Variants in TRIM16 observed in about 807,000 individuals in gnomAD.
The protein encoded by TRIM16 is tripartite motif containing 16.
Under a neutral mutation model 50.4 loss-of-function variants are expected in TRIM16, and 33 were observed. The observed-to-expected ratio is 0.65, with a 90% confidence interval of 0.50 to 0.88. TRIM16 has a LOEUF of 0.88. TRIM16 is among the 40% of genes least tolerant of loss of function. TRIM16 has a pLI of 0.00. For missense variants in TRIM16, 581 were observed against 686.8 expected, an observed-to-expected ratio of 0.85 and a Z score of 1.72; for synonymous variants, 229 against 270.7, an observed-to-expected ratio of 0.85 and a Z score of 1.51.
intron 6 of TRIM16, among the ~76,000 whole-genome samples, chr17:15,655,200 G>A (rs1987916075): frequency 6.6e-6 from 1 of 152,144 alleles, no homozygotes. Flanking sequence ...ACCTGGTACT[G>A]GAGGCTGAAC....
chr17:15,658,019 G>C (rs1988055180), intron 6 of TRIM16, among the ~76,000 whole-genome samples: 5 of 152,320 alleles, frequency 3.3e-5, no homozygotes, highest in African/African-American at 1.2e-4. Context: ...AGGTCAAGGT[G>C]TGGTTCAGGA....
rs771077768 is a variant in TRIM16 at position 15,631,591 on chromosome 17, G to A, written c.1111+28C>T. 4.3e-6 allele frequency: 7 copies of A among 1,613,246 alleles called. No homozygotes were observed. The Admixed American group carries it at 1.0e-4, about 23-fold the overall frequency. ...AAGCACTGCACTGATATCAACAACT[G>A]GAGAAGCGGGTGCCGTTCACAACTT... On this transcript the variant is annotated intron_variant, in intron 11 of 11. Coordinates refer to ENST00000649191, the MANE Select transcript of TRIM16 (RefSeq NM_001348119.1).
intron 6 of TRIM16, among the ~76,000 whole-genome samples, chr17:15,676,008 C>A (rs2654353): frequency 1.3e-5 from 2 of 151,960 alleles, no homozygotes; most frequent in Non-Finnish European, 2.9e-5. Flanking sequence ...AATCTGTACC[C>A]CCAGTTAAGA....
At position 15,639,951 on chromosome 17, in the gene TRIM16, C is replaced by T. The variant is rs949117813; in HGVS notation, c.615+2770G>A. Among the ~76,000 whole-genome samples, 24 of 149,346 alleles carry T rather than the reference C, an allele frequency of 1.6e-4. 2 individuals are homozygous for T. Among genetic ancestry groups the T allele is most frequent in the Middle Eastern group, 3.5e-3 (1 of 288 alleles). On this transcript the variant is annotated intron_variant, in intron 8 of 11. Transcript: ENST00000649191. Reference sequence around the variant, plus strand: ...CCTGGTCACTCTTCCAATTATATAACAATAATCATAAAAACAACCAACATG... The same window carrying T: ...CCTGGTCACTCTTCCAATTATATAATAATAATCATAAAAACAACCAACATG...
Position 15,651,424 on chromosome 17 carries a change from A to C in TRIM16, c.186T>G (p.Ser62=), listed in dbSNP as rs1166900653. 1 of 1,613,996 alleles carries C rather than the reference A, an allele frequency of 6.2e-7. No individual in the cohort carries two copies. The highest frequency in any genetic ancestry group is 2.2e-5 in the East Asian group (1 of 44,872). ...CACCAGCAGGATCCCCCTGCTCTGC[A>C]GAGTCGCTGTCCTGTTCCTCCGTCT... ...GRETEEQDSD[S]AEQGDPAGEG... Residue 62 remains serine (S), a synonymous_variant, in exon 7 of 12, where the codon TCT becomes TCG. Transcript: ENST00000649191.
In TRIM16 at chr17:15,651,140, T is replaced by G; in HGVS notation, c.470A>C (p.His157Pro). The change falls in exon 7 of 12, where the codon CAC (histidine) becomes CCC (proline). Residue 157 changes from histidine to proline, a missense_variant. His to Pro is a moderately conservative substitution (Grantham distance 77). Around this residue, in one of 3 missense-constraint regions of TRIM16, gnomAD observed 450 missense variants for 544.3 expected, o/e 0.83. Transcript: ENST00000649191. ...QCICQDCCQE[H>P]SGHTIVSLDA... ...CAGGGAGACTATGGTGTGGCCACTG[T>G]GCTCCTGGCAACAGTCCTGGCAGAT... 1 of 1,614,100 alleles carries G rather than the reference T, an allele frequency of 6.2e-7. No individual in the cohort carries two copies. The highest frequency in any genetic ancestry group is 8.5e-7 in the Non-Finnish European group (1 of 1,180,006).
chr17:15,669,938 C>T (rs964162610), intron 6 of TRIM16, among the ~76,000 whole-genome samples: 1 of 152,232 alleles, frequency 6.6e-6, no homozygotes, highest in African/African-American at 2.4e-5. Context: ...TCTCTCCAGA[C>T]ACTGGCAGTT....
Position 15,629,178 on chromosome 17 carries a change from C to T in TRIM16, c.1132G>A (p.Asp378Asn). 6.2e-7 allele frequency: 1 copy of T among 1,611,978 alleles called. No individual in the cohort carries two copies. Among genetic ancestry groups the T allele is most frequent in the Admixed American group, 1.7e-5 (1 of 59,938 alleles). ...AGATACTTGTGTGCTGTGTCCGGGT[C>T]AAACGTGATGTCATACGCATCTGAG... ...FLQYAYDITF[D>N]PDTAHKYLRL... The change falls in exon 12 of 12, where the codon GAC becomes AAC. Residue 378 changes from aspartate to asparagine, a missense_variant. This residue lies in a region of TRIM16 where 450 missense variants were observed against 544.3 expected (regional missense o/e 0.83). Transcript: ENST00000649191.
rs1187667739 is a variant in TRIM16, at chr17:15,677,581, A to C, written c.-449T>G. 2 of 1,052,534 alleles carry C rather than the reference A, an allele frequency of 1.9e-6. No individual in the cohort carries two copies. Among genetic ancestry groups the C allele is most frequent in the African/African-American group, 3.4e-5 (2 of 59,182 alleles). 65.2% of individuals were successfully genotyped at this position (1,052,534 alleles called of 1,614,324 possible). On this transcript the variant is annotated 5_prime_UTR_variant, in exon 5 of 12. Transcript: ENST00000649191. Reference sequence around the variant, plus strand: ...TGGAAGGACCCAAGCTCACCCAAGGAGACCAGGTTCCTATAGTTCTCCAGC... The same window carrying C: ...TGGAAGGACCCAAGCTCACCCAAGGCGACCAGGTTCCTATAGTTCTCCAGC...
chr17:15,632,590 T>C lies in TRIM16; in HGVS notation c.934A>G (p.Lys312Glu). 1 of 1,613,992 alleles carries C rather than the reference T, an allele frequency of 6.2e-7. No individual in the cohort carries two copies. Residue 312 changes from lysine (K) to glutamate (E), a missense_variant, in exon 10 of 12, where the codon AAA (lysine) becomes GAA (glutamate). This residue lies in a region of TRIM16 where 450 missense variants were observed against 544.3 expected (regional missense o/e 0.83). Coordinates refer to ENST00000649191, the MANE Select transcript of TRIM16 (RefSeq NM_001348119.1). The part of the protein sequence containing the change: ...GLKDKLSGIR[K>E]VITESTVHLI... ...TGTACAGTGGATTCCGTGATAACTT[T>C]GCGGATGCCCGAGAGTTTATCCTTC...
intron 3 of TRIM16, 72 bp downstream of exon 3, chr17:15,682,782 T>C (rs1989234191): frequency 9.9e-6 from 13 of 1,318,566 alleles, no homozygotes; most frequent in African/African-American, 1.5e-5. Flanking sequence ...GGAAGTAAGG[T>C]ATCTTCTTTT....
Position 15,637,125 on chromosome 17 carries a change from G to C in TRIM16, c.616-856C>G, listed in dbSNP as rs796523752. Among the ~76,000 whole-genome samples, 583 of 142,432 alleles carry C rather than the reference G, an allele frequency of 4.1e-3. 29 individuals carry two copies. The highest frequency in any genetic ancestry group is 0.014 in the African/African-American group (536 of 37,654). 93.4% of individuals were successfully genotyped at this position (142,432 alleles called of 152,430 possible). ...CGTCCGGGAGGGAGGTGGGGGGGGG[G>C]GGTCAGCCCCCCGCCCGGCCAGCCG... On this transcript the variant is annotated intron_variant, in intron 8 of 11. Transcript: ENST00000649191.
At chr17:15,667,436 A>G (rs1398153037) in intron 6 of TRIM16, among the ~76,000 whole-genome samples, 2 of 152,262 alleles carry the variant, frequency 1.3e-5, no homozygotes, top group Non-Finnish European at 2.9e-5. Context: ...TCTCGAGTAC[A>G]TGACTTTATA....
At position 15,647,963 on chromosome 17, in the gene TRIM16, C is replaced by T. The variant is rs189072883; in HGVS notation, c.519+3128G>A. 3.9e-5 allele frequency among the ~76,000 whole-genome samples: 6 copies of T among 152,264 alleles called. No homozygotes were observed. The East Asian group carries it at 1.2e-3, about 29-fold the overall frequency. The stretch of plus-strand genomic sequence containing the variant: ...AAAGGGGGCCGGGCGTGGTGGCTCA[C>T]GCCTGTAATCCCAGCACTTTGGGAG... On this transcript the variant is annotated intron_variant, in intron 7 of 11. Coordinates refer to ENST00000649191, the MANE Select transcript of TRIM16 (RefSeq NM_001348119.1).
intron 8 of TRIM16, among the ~76,000 whole-genome samples, chr17:15,638,657 T>C (rs1488991128): frequency 6.7e-6 from 1 of 148,924 alleles, no homozygotes; most frequent in African/African-American, 2.5e-5. Context: ...AAATAGCAGA[T>C]ATCCTTGGGC....
intron 6 of TRIM16, 81 bp from the exon 7 acceptor site, chr17:15,652,027 T>C: frequency 9.7e-7 from 1 of 1,027,914 alleles, no homozygotes; most frequent in Non-Finnish European, 1.2e-6. Context: ...TTTTTTTTTG[T>C]TTTCATTTTT....
In TRIM16 at chr17:15,634,493, TG is replaced by T. The variant is rs532896031; in HGVS notation, c.849+1542del. On this transcript the variant is annotated intron_variant, in intron 9 of 11. Coordinates refer to ENST00000649191, the MANE Select transcript of TRIM16 (RefSeq NM_001348119.1). ...AAAAATACAAAAAATTAGCCGGGCA[TG>T]GTGGCCCATGCTTGTAATCCCAGCT... 2.7e-4 allele frequency among the ~76,000 whole-genome samples: 39 copies of T among 146,868 alleles called. 1 individual carries two copies. Among genetic ancestry groups the T allele is most frequent in the African/African-American group, 7.9e-4 (31 of 39,486 alleles).
At chr17:15,637,105 G>C (rs1986796770) in intron 8 of TRIM16, among the ~76,000 whole-genome samples, 1 of 133,430 alleles carries the variant, frequency 7.5e-6, no homozygotes, top group Non-Finnish European at 1.6e-5. Flanking sequence ...CACCCCGTCC[G>C]GGAGGGAGGT....
intron 6 of TRIM16, among the ~76,000 whole-genome samples, chr17:15,659,409 G>A (rs1315504662): frequency 6.6e-6 from 1 of 152,120 alleles, no homozygotes; most frequent in Non-Finnish European, 1.5e-5. Context: ...CTACTTGGGG[G>A]AGTCTGCAAT....
Sources: allele counts gnomAD v4.1 joint callset (sites outside exome capture counted in the v4.1 genomes callset), GRCh38; gene constraint gnomAD v4.1.1; regional missense constraint gnomAD v4.1.1; transcripts MANE v1.5; gene names NCBI Gene and HGNC (gene_info 2026-07-23, HGNC 2026-07-21).